The following AZIN1 variants were observed in gnomAD, a reference collection of about 807,000 sequenced individuals.
The protein encoded by AZIN1 is antizyme inhibitor 1, also known as ornithine decarboxylase antizyme inhibitor.
Under a neutral mutation model 47.4 loss-of-function variants are expected in AZIN1, and 12 were observed. That is an observed-to-expected ratio of 0.25 (90% CI 0.16 to 0.41). The LOEUF is 0.41. Ranked by LOEUF, AZIN1 falls within the 10% of genes least tolerant of loss-of-function variation. The pLI, the probability that AZIN1 is intolerant of heterozygous loss-of-function variation, is 1.00. For missense variants in AZIN1, 410 were observed against 532.4 expected (o/e 0.77, Z 2.26); for synonymous variants, 155 against 176.3 (o/e 0.88, Z 0.96).
intron 3 of AZIN1, among the ~76,000 whole-genome samples, chr8:102,840,426 T>G (rs1187398061): frequency 6.6e-6 from 1 of 152,134 alleles, no homozygotes; most frequent in African/African-American, 2.4e-5. Context: ...TACTACAGCC[T>G]CCAACTCCTG....
intron 6 of AZIN1, 33 bp from the exon 7 acceptor site, chr8:102,834,780 C>A (rs778039122): frequency 6.7e-7 from 1 of 1,502,312 alleles, no homozygotes; most frequent in Non-Finnish European, 9.2e-7. Flanking sequence ...TTTAAAGGAG[C>A]AGAAAGTTGT....
At chr8:102,845,572 T>A (rs1014674578) in intron 2 of AZIN1, among the ~76,000 whole-genome samples, 13 of 152,176 alleles carry the variant, frequency 8.5e-5, no homozygotes, top group Non-Finnish European at 1.6e-4. Flanking sequence ...TAAGAATACA[T>A]GTTTATTTTA....
intron 2 of AZIN1, 25 bp from the exon 3 acceptor site, chr8:102,843,772 AG>A: frequency 2.1e-6 from 3 of 1,427,056 alleles, no homozygotes; most frequent in Non-Finnish European, 2.8e-6. Context: ...GTTATATAAA[AG>A]TCTGTATTAT....
intron 1 of AZIN1, 126 bp from the exon 2 acceptor site, chr8:102,858,276 C>T (rs1813415677): frequency 2.5e-6 from 1 of 392,234 alleles, no homozygotes; most frequent in South Asian, 1.4e-4. Flanking sequence ...TCACATTACA[C>T]AAGTGATATT....
intron 2 of AZIN1, among the ~76,000 whole-genome samples, chr8:102,857,720 T>C (rs1813385455): frequency 1.3e-5 from 2 of 152,080 alleles, no homozygotes; most frequent in Non-Finnish European, 2.9e-5. Context: ...AGTTAAATGG[T>C]TGAATGATGT....
At chr8:102,859,490 G>A (rs933561053) in intron 1 of AZIN1, among the ~76,000 whole-genome samples, 2 of 152,188 alleles carry the variant, frequency 1.3e-5, no homozygotes, top group African/African-American at 4.8e-5. Context: ...GTTCCTCAGT[G>A]AGAACCCTAC....
At chr8:102,856,041 G>A (rs947623379) in intron 2 of AZIN1, 18 of 145,596 alleles carry the variant, frequency 1.2e-4, no homozygotes, top group African/African-American at 4.2e-4. Flanking sequence ...AATGGGATAA[G>A]TAAAGACAAA....
intron 4 of AZIN1, among the ~76,000 whole-genome samples, chr8:102,839,393 C>T (rs926446118): frequency 6.6e-6 from 1 of 151,986 alleles, no homozygotes; most frequent in Non-Finnish European, 1.5e-5. Flanking sequence ...GTAGCTCTAG[C>T]CTAAGAATGA....
At chr8:102,849,353 C>T (rs2131259124) in intron 2 of AZIN1, among the ~76,000 whole-genome samples, 1 of 152,186 alleles carries the variant, frequency 6.6e-6, no homozygotes, top group South Asian at 2.1e-4. Context: ...TCTCCATACC[C>T]TCCACTAAGA....
At chr8:102,860,077 T>C (rs961855076) in intron 1 of AZIN1, among the ~76,000 whole-genome samples, 5 of 152,084 alleles carry the variant, frequency 3.3e-5, no homozygotes, top group African/African-American at 7.2e-5. Flanking sequence ...TCCGGACAGT[T>C]AGGATAAAAA....
At position 102,834,660 on chromosome 8, in the gene AZIN1, ACT is replaced by A; in HGVS notation, c.666+4_666+5del. On this transcript the variant is annotated splice_donor_5th_base_variant and intron_variant, in intron 7 of 11. Transcript: ENST00000337198. ...ATATCAAAATAACTTAAAAGAAAGA[ACT>A]TACAGCCATGTCAAACACACATCGA... 6.3e-7 allele frequency: 1 copy of A among 1,586,298 alleles called. No individual in the cohort carries two copies. Among genetic ancestry groups the A allele is most frequent in the Non-Finnish European group, 8.6e-7 (1 of 1,161,016 alleles).
In AZIN1 at chr8:102,836,759, A is replaced by C. The variant is rs539217566; in HGVS notation, c.450-369T>G. Among the ~76,000 whole-genome samples the C allele has an allele frequency of 1.4e-4, 22 of 152,326 alleles. No homozygotes were observed. The Middle Eastern group carries it at 0.014, about 94-fold the overall frequency. On this transcript the variant is annotated intron_variant, in intron 5 of 11. Coordinates refer to ENST00000337198, the MANE Select transcript of AZIN1 (RefSeq NM_148174.4). ...AATGCCATCATTGTCTTTCAATAAA[A>C]ATATCAGGGCTTTAAATGTCTTCAA... is the stretch of plus-strand genomic sequence containing the variant.
intron 1 of AZIN1, among the ~76,000 whole-genome samples, chr8:102,859,829 C>T (rs1374267853): frequency 1.3e-5 from 2 of 152,056 alleles, no homozygotes; most frequent in Admixed American, 1.3e-4. Context: ...GAGGGAGAAC[C>T]TGTCTCCAAA....
chr8:102,830,230 A>G, intron 9 of AZIN1: 1 of 213,332 alleles, frequency 4.7e-6, no homozygotes, highest in South Asian at 7.1e-5. Context: ...TACTAAAAAT[A>G]CAAAAATTAG....
intron 2 of AZIN1, among the ~76,000 whole-genome samples, chr8:102,847,918 C>T (rs75229242): frequency 3.9e-5 from 6 of 152,214 alleles, no homozygotes; most frequent in Middle Eastern, 3.4e-3. Flanking sequence ...AAAAGAAGCC[C>T]GTAACTTTGA....
In AZIN1 at chr8:102,832,974, C is replaced by A. The variant is rs374418966; in HGVS notation, c.904+82G>T. 128 of 1,282,570 alleles carry A rather than the reference C, an allele frequency of 1.0e-4. No individual in the cohort carries two copies. The African/African-American group carries it at 1.3e-3, about 13-fold the overall frequency. 79.4% of individuals were successfully genotyped at this position (1,282,570 alleles called of 1,614,324 possible). ...ATTTTTAAAAGCTGAAAACCACCTACAACTTCATGACCATCTGCTCATTTC... is the reference window on the plus strand; with the variant it reads ...ATTTTTAAAAGCTGAAAACCACCTAAAACTTCATGACCATCTGCTCATTTC... On this transcript the variant is annotated intron_variant, in intron 9 of 11. Coordinates refer to ENST00000337198, the MANE Select transcript of AZIN1 (RefSeq NM_148174.4).
At chr8:102,833,891 T>TAAAAAAA (rs74551220) in intron 8 of AZIN1, among the ~76,000 whole-genome samples, 1 of 126,544 alleles carries the variant, frequency 7.9e-6, no homozygotes, top group African/African-American at 2.9e-5. Flanking sequence ...AGGAAGACTT[T>TAAAAAAA]AAAAAAAAAA....
At chr8:102,838,964 T>G (rs1463626817) in intron 4 of AZIN1, 48 bp from the exon 5 acceptor site, 1 of 1,526,414 alleles carries the variant, frequency 6.6e-7, no homozygotes, top group East Asian at 2.3e-5. Context: ...ACAGTTCATA[T>G]TCTGGTAATG....
intron 1 of AZIN1, among the ~76,000 whole-genome samples, chr8:102,858,579 T>G (rs1446253354): frequency 6.6e-6 from 1 of 152,234 alleles, no homozygotes; most frequent in Non-Finnish European, 1.5e-5. Flanking sequence ...CCCAATAGTT[T>G]GGAACCACCC....
Sources: gnomAD v4.1 joint callset for allele counts (sites outside exome capture counted in the v4.1 genomes callset) on GRCh38, gnomAD v4.1.1 for gene constraint, MANE v1.5 for transcripts, NCBI Gene and HGNC (gene_info 2026-07-23, HGNC 2026-07-21) for gene names.